TENM4: variants seen among roughly 807,000 people sequenced by gnomAD.
TENM4 encodes teneurin-4.
A neutral mutation model predicts 243.3 loss-of-function variants in TENM4; 82 were observed. That is an observed-to-expected ratio of 0.34 (90% CI 0.28 to 0.40). The LOEUF (loss-of-function observed/expected upper bound fraction) is 0.40. TENM4 is among the 10% of genes least tolerant of loss of function. The pLI is 1.00. For missense variants in TENM4, 3,138 were observed against 3,673.3 expected, an observed-to-expected ratio of 0.85 and a Z score of 3.77; for synonymous variants, 1,412 against 1,456.3, an observed-to-expected ratio of 0.97 and a Z score of 0.69.
intron 6 of TENM4, among the ~76,000 whole-genome samples, chr11:78,933,171 G>A (rs1249666971): frequency 1.3e-5 from 2 of 152,120 alleles, no homozygotes; most frequent in Non-Finnish European, 2.9e-5. Context: ...GAGGTAAAAG[G>A]CTGCCCAGTG....
At chr11:79,244,162 C>A (rs1166672473) in intron 2 of TENM4, among the ~76,000 whole-genome samples, 1 of 152,174 alleles carries the variant, frequency 6.6e-6, no homozygotes, top group Admixed American at 6.5e-5. Flanking sequence ...GTTGGATGGG[C>A]CTGAGAACTT....
intron 1 of TENM4, among the ~76,000 whole-genome samples, chr11:79,346,801 A>C (rs780834135): frequency 7.2e-5 from 11 of 152,318 alleles, no homozygotes; most frequent in African/African-American, 2.6e-4. Context: ...TTTTCCCCCA[A>C]CTGCCTCAAG....
intron 6 of TENM4, among the ~76,000 whole-genome samples, chr11:79,050,580 A>G (rs1344122837): frequency 1.3e-5 from 2 of 152,296 alleles, no homozygotes; most frequent in Admixed American, 6.5e-5. Flanking sequence ...AAGCAGCTGG[A>G]ATTGCAAACA....
intron 3 of TENM4, among the ~76,000 whole-genome samples, chr11:79,155,099 C>T (rs1046520659): frequency 6.6e-6 from 1 of 152,152 alleles, no homozygotes; most frequent in Non-Finnish European, 1.5e-5. Context: ...CAGGACCTCA[C>T]CATTATCCAA....
chr11:79,131,599 A>T (rs766379077), intron 4 of TENM4, among the ~76,000 whole-genome samples: 3 of 152,218 alleles, frequency 2.0e-5, no homozygotes, highest in Non-Finnish European at 2.9e-5. Context: ...ATCACACAGA[A>T]CCTATAAAAC....
At chr11:78,930,613 T>C (rs1430802305) in intron 6 of TENM4, among the ~76,000 whole-genome samples, 1 of 152,182 alleles carries the variant, frequency 6.6e-6, no homozygotes, top group Non-Finnish European at 1.5e-5. Flanking sequence ...CTGGGGAAGA[T>C]GAAATTCACC....
At chr11:79,155,086 TA>T (rs1300655297) in intron 3 of TENM4, among the ~76,000 whole-genome samples, 1 of 152,112 alleles carries the variant, frequency 6.6e-6, no homozygotes, top group Non-Finnish European at 1.5e-5. Flanking sequence ...TACTGTTTGC[TA>T]CCAGGACCTC....
chr11:79,016,585 T>TAA (rs1858780761), intron 6 of TENM4, among the ~76,000 whole-genome samples: 1 of 152,208 alleles, frequency 6.6e-6, no homozygotes, highest in Non-Finnish European at 1.5e-5. Context: ...GAGTCTAGGC[T>TAA]AAAGATACAC....
intron 30 of TENM4, among the ~76,000 whole-genome samples, chr11:78,675,031 A>C (rs1487728974): frequency 6.6e-6 from 1 of 151,604 alleles, no homozygotes; most frequent in Non-Finnish European, 1.5e-5. Context: ...ATACCCAGCT[A>C]ATTTTTTGTA....
intron 3 of TENM4, among the ~76,000 whole-genome samples, chr11:79,208,234 A>G (rs1037148304): frequency 6.6e-6 from 1 of 152,230 alleles, no homozygotes; most frequent in Non-Finnish European, 1.5e-5. Flanking sequence ...TTAATGATCA[A>G]TTGCTACATA....
intron 29 of TENM4, among the ~76,000 whole-genome samples, chr11:78,686,038 C>A (rs983172831): frequency 2.0e-5 from 3 of 152,230 alleles, no homozygotes; most frequent in African/African-American, 7.2e-5. Flanking sequence ...CTGCCCTCCT[C>A]TCCAAGGCAG....
intron 6 of TENM4, among the ~76,000 whole-genome samples, chr11:79,060,547 G>C (rs1860060110): frequency 6.6e-6 from 1 of 152,232 alleles, no homozygotes; most frequent in Non-Finnish European, 1.5e-5. Context: ...TGGGGGTTAT[G>C]CTTCACATTT....
intron 6 of TENM4, among the ~76,000 whole-genome samples, chr11:79,019,037 A>C (rs1184718886): frequency 2.6e-5 from 4 of 152,124 alleles, no homozygotes; most frequent in African/African-American, 9.7e-5. Context: ...TAGTGGTTTG[A>C]ATGTCCACTC....
Position 79,064,772 on chromosome 11 carries a change from T to G in TENM4, c.459A>C (p.Thr153=). ...TGTTTTCATGCTCGGTGTCGGTGAG[T>G]GTGAGATTGGAATTGGCCCGGCTGG... The part of the protein sequence containing the change: ...CLSSRANSNL[T]LTDTEHENTE... Residue 153 remains threonine (T), a synonymous_variant, in exon 6 of 34, where the codon ACA becomes ACC. Transcript: ENST00000278550. 6.4e-7 allele frequency: 1 copy of G among 1,551,072 alleles called. No individual in the cohort carries two copies. The highest frequency in any genetic ancestry group is 8.7e-7 in the Non-Finnish European group (1 of 1,146,814).
intron 1 of TENM4, among the ~76,000 whole-genome samples, chr11:79,350,852 A>G (rs529807268): frequency 6.6e-6 from 1 of 152,016 alleles, no homozygotes; most frequent in Non-Finnish European, 1.5e-5. Context: ...AAGTGTATCA[A>G]TCATGTCATT....
chr11:79,314,626 G>T (rs1396299506), intron 1 of TENM4, among the ~76,000 whole-genome samples: 1 of 152,228 alleles, frequency 6.6e-6, no homozygotes, highest in Non-Finnish European at 1.5e-5. Flanking sequence ...AGAAAGTTTG[G>T]CTAGTCATAT....
chr11:79,313,646 G>GTGT (rs1224870942), intron 1 of TENM4, among the ~76,000 whole-genome samples: 1 of 152,160 alleles, frequency 6.6e-6, no homozygotes, highest in Non-Finnish European at 1.5e-5. Context: ...TTCTCCAAGT[G>GTGT]TGTTGGGTCC....
At chr11:79,285,445 T>C (rs1186044799) in intron 2 of TENM4, among the ~76,000 whole-genome samples, 2 of 152,220 alleles carry the variant, frequency 1.3e-5, no homozygotes, top group Non-Finnish European at 2.9e-5. Flanking sequence ...GAAAATAGGT[T>C]GGCAGTTGCT....
intron 1 of TENM4, among the ~76,000 whole-genome samples, chr11:79,410,739 C>T (rs768817300): frequency 7.2e-5 from 11 of 152,188 alleles, no homozygotes; most frequent in Non-Finnish European, 1.3e-4. Context: ...GATGGGTTTA[C>T]AGTGAAGGCT....
Sources: gnomAD v4.1 joint callset for allele counts (sites outside exome capture counted in the v4.1 genomes callset) on GRCh38, gnomAD v4.1.1 for gene constraint, MANE v1.5 for transcripts, NCBI Gene and HGNC (gene_info 2026-07-23, HGNC 2026-07-21) for gene names.